Variants in GPBP1L1 observed in about 807,000 individuals in gnomAD.
GPBP1L1 encodes the protein vasculin-like protein 1.
In GPBP1L1, 23 loss-of-function variants were observed where a neutral mutation model predicts 52.5. The ratio of observed to expected loss-of-function variants is 0.44; its 90% CI spans 0.32 to 0.62. The LOEUF (loss-of-function observed/expected upper bound fraction) is 0.62, where lower values mean the gene tolerates loss of function less well. Ranked by LOEUF, GPBP1L1 falls within the 20% of genes least tolerant of loss-of-function variation. GPBP1L1 has a pLI of 0.06. For missense variants in GPBP1L1, 596 were observed against 579.3 expected (o/e 1.03, Z -0.30); for synonymous variants, 243 against 203.1 (o/e 1.20, Z -1.67).
chr1:45,647,343 G>C (rs542124576), intron 6 of GPBP1L1, among the ~76,000 whole-genome samples: 1 of 151,884 alleles, frequency 6.6e-6, no homozygotes, highest in South Asian at 2.1e-4. Context: ...CTACTAACTT[G>C]TCTCTCTGCA....
intron 4 of GPBP1L1, chr1:45,655,668 C>G (rs961083926): frequency 6.1e-6 from 1 of 165,058 alleles, no homozygotes; most frequent in Non-Finnish European, 1.3e-5. Flanking sequence ...AGAGGAAAAT[C>G]AAGATGATTG....
Position 45,661,613 on chromosome 1 carries a change from G to C in GPBP1L1, c.-1097-388C>G, listed in dbSNP as rs538044721. 2.6e-5 allele frequency among the ~76,000 whole-genome samples: 4 copies of C among 152,092 alleles called. No individual in the cohort carries two copies. In the South Asian group the frequency reaches 8.3e-4, roughly 32 times the overall value. On this transcript the variant is annotated intron_variant, in intron 2 of 12. Transcript: ENST00000355105. ...TGGGATTACAGGTGTGCACTACCAT[G>C]CCCAGCTAATTTTTTGTATCTTTAG...
chr1:45,654,408 C>T (rs1394568120), intron 6 of GPBP1L1, 135 bp downstream of exon 6: 3 of 898,964 alleles, frequency 3.3e-6, no homozygotes, highest in Non-Finnish European at 4.9e-6. Flanking sequence ...AACTTCTTTC[C>T]TCTAAAACAA....
intron 6 of GPBP1L1, among the ~76,000 whole-genome samples, chr1:45,649,134 T>G (rs1230659682): frequency 6.6e-6 from 1 of 152,246 alleles, no homozygotes; most frequent in African/African-American, 2.4e-5. Flanking sequence ...CAAAAAGTTT[T>G]AGACTGCAGA....
At chr1:45,681,604 G>A (rs766330117) in intron 2 of GPBP1L1, among the ~76,000 whole-genome samples, 1 of 152,160 alleles carries the variant, frequency 6.6e-6, no homozygotes, top group African/African-American at 2.4e-5. Context: ...GGATTGGTGT[G>A]TTAAAGGATG....
intron 7 of GPBP1L1, among the ~76,000 whole-genome samples, chr1:45,640,727 C>T (rs190696517): frequency 2.6e-5 from 4 of 152,248 alleles, no homozygotes; most frequent in African/African-American, 7.2e-5. Context: ...TAAATCCAAG[C>T]GCCAGGCACT....
intron 2 of GPBP1L1, among the ~76,000 whole-genome samples, chr1:45,662,599 T>C (rs1222392812): frequency 6.6e-6 from 1 of 152,110 alleles, no homozygotes; most frequent in African/African-American, 2.4e-5. Context: ...ATAAGAAATA[T>C]CAAATTCAGG....
chr1:45,652,436 C>T (rs1467333348), intron 6 of GPBP1L1, among the ~76,000 whole-genome samples: 1 of 152,120 alleles, frequency 6.6e-6, no homozygotes, highest in East Asian at 1.9e-4. Flanking sequence ...TAGCATACTA[C>T]CCAGTTTAAA....
chr1:45,647,780 C>G (rs1644769003), intron 6 of GPBP1L1, among the ~76,000 whole-genome samples: 1 of 152,190 alleles, frequency 6.6e-6, no homozygotes, highest in Admixed American at 6.5e-5. Context: ...TCAGCAATTA[C>G]TCTGCCATTC....
rs974991334 is a variant in GPBP1L1 at position 45,660,644 on chromosome 1, T to G, written c.-516A>C. On this transcript the variant is annotated 5_prime_UTR_variant, in exon 3 of 13. Transcript: ENST00000355105. The stretch of plus-strand genomic sequence containing the variant: ...TGGACAAATAATGTCATCAAGGTAA[T>G]AGATCAAAAATATTAAAGCCCTATA... The G allele has an allele frequency of 1.4e-6, 1 of 738,298 alleles. No individual in the cohort carries two copies. Among genetic ancestry groups the G allele is most frequent in the Admixed American group, 6.3e-5 (1 of 15,940 alleles). 45.7% of individuals were successfully genotyped at this position (738,298 alleles called of 1,614,324 possible). A position where few individuals can be genotyped will look rare whatever the true frequency, so the allele number is the denominator to read the frequency against.
chr1:45,644,011 C>CTT (rs956171361), intron 6 of GPBP1L1, among the ~76,000 whole-genome samples: 10 of 152,084 alleles, frequency 6.6e-5, no homozygotes, highest in African/African-American at 2.4e-4. Context: ...ATTATACAAA[C>CTT]AACAAAAAGA....
intron 2 of GPBP1L1, among the ~76,000 whole-genome samples, chr1:45,677,205 G>A (rs1480826697): frequency 7.3e-5 from 11 of 151,302 alleles, no homozygotes; most frequent in African/African-American, 9.7e-5. Flanking sequence ...GCATGGTGGC[G>A]CATGCCTGTA....
chr1:45,658,711 C>G (rs575686606), intron 4 of GPBP1L1: 2 of 319,680 alleles, frequency 6.3e-6, no homozygotes, highest in East Asian at 1.2e-4. Flanking sequence ...AGGCGGATCA[C>G]TTGAGCTTAG....
chr1:45,654,524 T>A lies in GPBP1L1; in HGVS notation c.477+19A>T, dbSNP rs1644858855. On this transcript the variant is annotated intron_variant, in intron 6 of 12. Transcript: ENST00000355105. ...TTATTTGTTGGCTTCTAACCACACA[T>A]CTAAAGATTCATACTTACAAAGTCC... 5 of 1,590,728 alleles carry A rather than the reference T, an allele frequency of 3.1e-6. No individual in the cohort carries two copies. The highest frequency in any genetic ancestry group is 4.3e-6 in the Non-Finnish European group (5 of 1,164,422).
intron 2 of GPBP1L1, 126 bp downstream of exon 2, chr1:45,685,450 A>G (rs1364876665): frequency 6.6e-6 from 1 of 152,224 alleles, no homozygotes; most frequent in Admixed American, 6.5e-5. Context: ...CAGAGCACGA[A>G]GTTGGCAGAT....
At chr1:45,639,865 G>A (rs1357603622) in intron 8 of GPBP1L1, among the ~76,000 whole-genome samples, 2 of 151,792 alleles carry the variant, frequency 1.3e-5, no homozygotes, top group Non-Finnish European at 2.9e-5. Flanking sequence ...GTGACAGAGC[G>A]AGGCTCCATC....
intron 2 of GPBP1L1, among the ~76,000 whole-genome samples, chr1:45,676,189 A>G (rs1388392518): frequency 5.9e-5 from 9 of 152,234 alleles, no homozygotes; most frequent in African/African-American, 2.2e-4. Context: ...CAGAAGAGAA[A>G]AATTCCTATT....
At chr1:45,677,414 G>T (rs1012614605) in intron 2 of GPBP1L1, among the ~76,000 whole-genome samples, 2 of 151,938 alleles carry the variant, frequency 1.3e-5, no homozygotes, top group African/African-American at 4.8e-5. Flanking sequence ...GAAGGCTGGG[G>T]TGGGAGCCTG....
intron 5 of GPBP1L1, 57 bp from the exon 6 acceptor site, chr1:45,654,886 G>C (rs925410124): frequency 6.5e-7 from 1 of 1,538,762 alleles, no homozygotes; most frequent in African/African-American, 1.4e-5. Flanking sequence ...TTGGTTTACG[G>C]TATTGGCCAA....
Sources: gnomAD v4.1 joint callset for allele counts (sites outside exome capture counted in the v4.1 genomes callset) on GRCh38, gnomAD v4.1.1 for gene constraint, MANE v1.5 for transcripts, NCBI Gene and HGNC (gene_info 2026-07-23, HGNC 2026-07-21) for gene names.